TMEM272: variants seen among roughly 807,000 people sequenced by gnomAD.
TMEM272 encodes the protein long intergenic non-protein coding RNA 282.
A neutral mutation model predicts 3.7 loss-of-function variants in TMEM272; 8 were observed. The ratio of observed to expected loss-of-function variants is 2.17; its 90% CI spans 1.27 to 3.91. The LOEUF is 3.91. Among genes scored for constraint, TMEM272 ranks in the 30% most tolerant of loss-of-function variants. The probability of loss-of-function intolerance (pLI) is 0.00; values close to 1 mark genes in which losing one functional copy is unlikely to be tolerated. For synonymous variants in TMEM272, 63 were observed against 39.8 expected (o/e 1.58, Z -2.20); for missense variants, 166 against 91.5 (o/e 1.81, Z -3.32).
chr13:51,882,113 A>T, the TMEM272 span, among the ~76,000 whole-genome samples: 1 of 152,360 alleles, frequency 6.6e-6, no homozygotes, highest in South Asian at 2.1e-4. Context: ...ACGTATGTCT[A>T]TGATCTTGTT....
chr13:51,923,970 G>T, the TMEM272 span, among the ~76,000 whole-genome samples: 1 of 152,066 alleles, frequency 6.6e-6, no homozygotes, highest in East Asian at 1.9e-4. Context: ...AAGCCCCTTT[G>T]GGGGCTCTAT....
At chr13:51,865,342 G>A in the TMEM272 span, 7 of 1,530,774 alleles carry the variant, frequency 4.6e-6, no homozygotes, top group Non-Finnish European at 6.1e-6. Context: ...GGTCTGACCA[G>A]CCGACCTGGA....
chr13:51,878,841 C>A, the TMEM272 span, among the ~76,000 whole-genome samples: 3 of 152,020 alleles, frequency 2.0e-5, no homozygotes, highest in African/African-American at 7.2e-5. Flanking sequence ...TTTCTTGTTC[C>A]TATTTAATGT....
At chr13:51,888,650 T>C in the TMEM272 span, among the ~76,000 whole-genome samples, 3 of 132,250 alleles carry the variant, frequency 2.3e-5, no homozygotes, top group Non-Finnish European at 4.8e-5. Context: ...TTTTTTTTTT[T>C]TTTTTTTTTT....
chr13:51,872,041 G>A, the TMEM272 span, among the ~76,000 whole-genome samples: 1 of 152,152 alleles, frequency 6.6e-6, no homozygotes, highest in Non-Finnish European at 1.5e-5. Flanking sequence ...CTGTTTTATC[G>A]CTCCTCTCTT....
chr13:51,842,044 C>CAA (rs1417583629), intron 1 of TMEM272, among the ~76,000 whole-genome samples: 2 of 152,190 alleles, frequency 1.3e-5, no homozygotes, highest in South Asian at 2.1e-4. Flanking sequence ...TAAACACACA[C>CAA]ACACACACAT....
the TMEM272 span, among the ~76,000 whole-genome samples, chr13:51,888,326 G>A: frequency 7.9e-5 from 12 of 152,076 alleles, no homozygotes; most frequent in African/African-American, 2.4e-4. Flanking sequence ...GATTACAGGC[G>A]TGAACCACTG....
chr13:51,921,556 CCTCT>C, the TMEM272 span: 3 of 152,326 alleles, frequency 2.0e-5, no homozygotes, highest in African/African-American at 7.2e-5. Flanking sequence ...GGGGGCTGTG[CCTCT>C]CTAAGGCACA....
At chr13:51,891,684 T>G in the TMEM272 span, among the ~76,000 whole-genome samples, 3 of 151,948 alleles carry the variant, frequency 2.0e-5, no homozygotes. Flanking sequence ...TCCGCAGGGG[T>G]GGGTTGCAGG....
the TMEM272 span, chr13:51,910,254 T>G: frequency 7.2e-7 from 1 of 1,396,356 alleles, no homozygotes; most frequent in South Asian, 1.2e-5. Context: ...ACTTTGTGCT[T>G]CTGTTGCCTC....
At chr13:51,886,014 G>A in the TMEM272 span, among the ~76,000 whole-genome samples, 1 of 152,160 alleles carries the variant, frequency 6.6e-6, no homozygotes, top group East Asian at 1.9e-4. Context: ...CTCCATAAAG[G>A]AAGAAGCTTG....
At chr13:51,842,665 G>C (rs1309252563) in intron 1 of TMEM272, among the ~76,000 whole-genome samples, 2 of 152,200 alleles carry the variant, frequency 1.3e-5, no homozygotes, top group African/African-American at 2.4e-5. Flanking sequence ...ATGCATATGT[G>C]CATGTACACA....
the TMEM272 span, among the ~76,000 whole-genome samples, chr13:51,901,837 G>A: frequency 6.6e-6 from 1 of 152,160 alleles, no homozygotes; most frequent in Non-Finnish European, 1.5e-5. Flanking sequence ...AATCCTCTGG[G>A]CAGAAGCCCC....
chr13:51,817,732 C>G (rs1956046399), intron 4 of TMEM272, among the ~76,000 whole-genome samples: 1 of 151,664 alleles, frequency 6.6e-6, no homozygotes, highest in Admixed American at 6.6e-5. Context: ...GACTGAGAGT[C>G]CCTCTCAGTC....
chr13:51,919,707 T>C, the TMEM272 span, among the ~76,000 whole-genome samples: 2 of 152,246 alleles, frequency 1.3e-5, no homozygotes, highest in Non-Finnish European at 2.9e-5. Flanking sequence ...AGCAGACGTC[T>C]CGGCTGTGTC....
At chr13:51,824,674 T>A (rs982942449) in intron 3 of TMEM272, among the ~76,000 whole-genome samples, 2 of 152,224 alleles carry the variant, frequency 1.3e-5, no homozygotes, top group African/African-American at 2.4e-5. Context: ...GATAACTGGC[T>A]GGGCGCGGTG....
chr13:51,896,272 TA>T, the TMEM272 span, among the ~76,000 whole-genome samples: 1 of 152,190 alleles, frequency 6.6e-6, no homozygotes, highest in African/African-American at 2.4e-5. Flanking sequence ...TTGGTGAATA[TA>T]AAAGATTTTC....
the TMEM272 span, among the ~76,000 whole-genome samples, chr13:51,929,305 A>C: frequency 6.6e-6 from 1 of 152,236 alleles, no homozygotes; most frequent in African/African-American, 2.4e-5. Flanking sequence ...ACTCTGCACT[A>C]AATGCATATC....
the TMEM272 span, among the ~76,000 whole-genome samples, chr13:51,922,646 TG>T: frequency 6.6e-6 from 1 of 152,136 alleles, no homozygotes; most frequent in Non-Finnish European, 1.5e-5. Flanking sequence ...CTTAAAACAA[TG>T]CAAATTTGTC....
Sources: gnomAD v4.1 joint callset for allele counts (sites outside exome capture counted in the v4.1 genomes callset) on GRCh38, gnomAD v4.1.1 for gene constraint, MANE v1.5 for transcripts, NCBI Gene and HGNC (gene_info 2026-07-23, HGNC 2026-07-21) for gene names.